The following RALYL variants were observed in gnomAD, a reference collection of about 807,000 sequenced individuals.
The protein encoded by RALYL is RALY RNA binding protein like.
RALYL carries 29 observed loss-of-function variants against 35.1 expected under a neutral mutation model. The observed-to-expected ratio is 0.83, with a 90% confidence interval of 0.61 to 1.13. The LOEUF (loss-of-function observed/expected upper bound fraction) is 1.13. RALYL is among the 50% of genes most tolerant of loss of function. The pLI is 0.00. For synonymous variants in RALYL, 120 were observed against 127.6 expected, an observed-to-expected ratio of 0.94 and a Z score of 0.40; for missense variants, 359 against 360.4, an observed-to-expected ratio of 1.00 and a Z score of 0.03.
intron 1 of RALYL, among the ~76,000 whole-genome samples, chr8:84,473,354 T>C (rs1046823193): frequency 3.3e-5 from 5 of 151,520 alleles, no homozygotes; most frequent in African/African-American, 1.2e-4. Flanking sequence ...TTAGATTTAA[T>C]ATTTAATTTA....
At chr8:84,307,615 G>A (rs780073362) in intron 1 of RALYL, among the ~76,000 whole-genome samples, 1 of 152,236 alleles carries the variant, frequency 6.6e-6, no homozygotes, top group South Asian at 2.1e-4. Flanking sequence ...AAGGAGAATA[G>A]AACATAGACC....
At position 84,868,118 on chromosome 8, in the gene RALYL, G is replaced by C. The variant is rs148772644; in HGVS notation, c.572-5166G>C. ...GATGGGCAGTGGGGGGTAGGAGGGT[G>C]GGACCTATATACCCATGGCTTTGGA... On this transcript the variant is annotated intron_variant, in intron 6 of 8. Coordinates refer to ENST00000521268, the MANE Select transcript of RALYL (RefSeq NM_173848.7). Among the ~76,000 whole-genome samples the C allele has an allele frequency of 2.3e-3, 345 of 152,262 alleles. 1 individual carries two copies. Among genetic ancestry groups the C allele is most frequent in the Middle Eastern group, 6.8e-3 (2 of 294 alleles).
At chr8:84,243,553 A>T (rs1828460090) in intron 1 of RALYL, among the ~76,000 whole-genome samples, 1 of 143,694 alleles carries the variant, frequency 7.0e-6, no homozygotes, top group Admixed American at 7.1e-5. Flanking sequence ...TCAGAGTGGA[A>T]CAATGTAGTT....
chr8:84,306,749 T>A (rs1466891386), intron 1 of RALYL, among the ~76,000 whole-genome samples: 4 of 152,156 alleles, frequency 2.6e-5, no homozygotes, highest in African/African-American at 7.2e-5. Flanking sequence ...TGAACAAAGA[T>A]GAGGATTAAA....
chr8:84,602,777 C>T (rs930937813), intron 2 of RALYL, among the ~76,000 whole-genome samples: 8 of 152,080 alleles, frequency 5.3e-5, no homozygotes, highest in African/African-American at 1.9e-4. Flanking sequence ...TGTCCTGGCC[C>T]TCGTTGAACT....
At chr8:84,265,772 G>C (rs147369892) in intron 1 of RALYL, among the ~76,000 whole-genome samples, 142 of 152,248 alleles carry the variant, frequency 9.3e-4, no homozygotes, top group African/African-American at 3.1e-3. Flanking sequence ...TGATTGGTTT[G>C]ATAGTACCAT....
intron 2 of RALYL, among the ~76,000 whole-genome samples, chr8:84,682,501 A>T (rs1564365880): frequency 6.6e-6 from 1 of 152,168 alleles, no homozygotes; most frequent in African/African-American, 2.4e-5. Flanking sequence ...GCTATTAATT[A>T]TTGCCTCAAT....
intron 1 of RALYL, among the ~76,000 whole-genome samples, chr8:84,218,028 T>G (rs11785851): frequency 0.17 from 26,186 of 151,936 alleles, 2,729 homozygotes; most frequent in Non-Finnish European, 0.25. Flanking sequence ...TTTGAAACTA[T>G]TTTTACAATA....
chr8:84,560,809 A>C (rs1411271706), intron 2 of RALYL, among the ~76,000 whole-genome samples: 1 of 151,882 alleles, frequency 6.6e-6, no homozygotes, highest in Non-Finnish European at 1.5e-5. Context: ...AAACATTATA[A>C]GAGGAGGTTT....
intron 3 of RALYL, among the ~76,000 whole-genome samples, chr8:84,782,021 GCA>G (rs34998666): frequency 0.15 from 18,735 of 124,664 alleles, 1,178 homozygotes; most frequent in African/African-American, 0.2. Context: ...TGCATGCTGT[GCA>G]CACGCGCGCA....
At chr8:84,686,363 C>G (rs532003432) in intron 2 of RALYL, among the ~76,000 whole-genome samples, 1 of 152,062 alleles carries the variant, frequency 6.6e-6, no homozygotes, top group East Asian at 1.9e-4. Flanking sequence ...GGCAAACTGC[C>G]AGCATGTTAT....
At chr8:84,197,920 G>C (rs1206113718) in intron 1 of RALYL, among the ~76,000 whole-genome samples, 1 of 152,106 alleles carries the variant, frequency 6.6e-6, no homozygotes, top group African/African-American at 2.4e-5. Context: ...TGACAATACA[G>C]TTTATCTTAA....
chr8:84,208,046 G>A (rs1254873567), intron 1 of RALYL, among the ~76,000 whole-genome samples: 1 of 152,034 alleles, frequency 6.6e-6, no homozygotes, highest in Non-Finnish European at 1.5e-5. Context: ...AGTTCTATTA[G>A]CAATAGTAAA....
intron 6 of RALYL, among the ~76,000 whole-genome samples, chr8:84,867,593 C>T (rs541798779): frequency 6.6e-6 from 1 of 152,266 alleles, no homozygotes; most frequent in East Asian, 1.9e-4. Context: ...TAAAAGAAAT[C>T]AGTATGACGT....
intron 1 of RALYL, among the ~76,000 whole-genome samples, chr8:84,465,258 G>T (rs1198853232): frequency 0.027 from 2,556 of 95,554 alleles, no homozygotes; most frequent in Non-Finnish European, 0.034. Flanking sequence ...TTTCTTCTAG[G>T]GTTTTTATGG....
intron 7 of RALYL, among the ~76,000 whole-genome samples, chr8:84,875,534 TA>T (rs1449934308): frequency 6.2e-5 from 7 of 113,070 alleles, no homozygotes; most frequent in African/African-American, 3.9e-4. Context: ...CAGTTGCTTT[TA>T]AAATAATAAG....
At chr8:84,621,168 G>T (rs186806024) in intron 2 of RALYL, among the ~76,000 whole-genome samples, 6 of 152,188 alleles carry the variant, frequency 3.9e-5, no homozygotes. Flanking sequence ...CCTGGGCAAT[G>T]GTGGGTGCCC....
chr8:84,303,381 A>C (rs565928142), intron 1 of RALYL, among the ~76,000 whole-genome samples: 2 of 152,322 alleles, frequency 1.3e-5, no homozygotes, highest in African/African-American at 4.8e-5. Context: ...ACATTTCCAG[A>C]TAATATTTAA....
rs1849331609 is a variant in RALYL, at chr8:84,921,751, T to C, written c.*840T>C. On this transcript the variant is annotated 3_prime_UTR_variant, in exon 9 of 9. Transcript: ENST00000521268. ...GTTTTCCAGATAATCTTAGCTGTTG[T>C]CTTGTGCTGTGGAAATGGAAGAAAC... 1 of 152,208 alleles carries C rather than the reference T, an allele frequency of 6.6e-6. No individual in the cohort carries two copies. The highest frequency in any genetic ancestry group is 1.5e-5 in the Non-Finnish European group (1 of 68,018). The allele number at this position is 152,208 out of a possible 1,614,324, so 9.4% of individuals were successfully genotyped here. A position where few individuals can be genotyped will look rare whatever the true frequency, so the allele number is the denominator to read the frequency against.
Sources: allele counts gnomAD v4.1 joint callset (sites outside exome capture counted in the v4.1 genomes callset), GRCh38; gene constraint gnomAD v4.1.1; transcripts MANE v1.5; gene names NCBI Gene and HGNC (gene_info 2026-07-23, HGNC 2026-07-21).